The following CFAP61 variants were observed in gnomAD, a reference collection of about 807,000 sequenced individuals.
CFAP61 encodes cilia- and flagella-associated protein 61.
CFAP61 carries 107 observed loss-of-function variants against 135.6 expected under a neutral mutation model. The ratio of observed to expected loss-of-function variants is 0.79; its 90% CI spans 0.67 to 0.93. The LOEUF is 0.93. Among genes scored for constraint, CFAP61 ranks in the 40% least tolerant of loss-of-function variants. The pLI is 0.00. For missense variants in CFAP61, 1,507 were observed against 1,556.2 expected (o/e 0.97, Z 0.53); for synonymous variants, 575 against 578.5 (o/e 0.99, Z 0.09).
chr20:20,053,345 C>T (rs1310714690), intron 1 of CFAP61, among the ~76,000 whole-genome samples: 2 of 152,184 alleles, frequency 1.3e-5, no homozygotes, highest in African/African-American at 2.4e-5. Context: ...TGTACCTCTT[C>T]CCTCCTCTAA....
At chr20:20,299,757 C>T (rs2055930816) in intron 25 of CFAP61, among the ~76,000 whole-genome samples, 1 of 152,214 alleles carries the variant, frequency 6.6e-6, no homozygotes, top group South Asian at 2.1e-4. Context: ...GGTATTCCAT[C>T]ATATAATGGT....
chr20:20,126,455 A>G (rs2050071651), intron 8 of CFAP61, among the ~76,000 whole-genome samples: 1 of 151,830 alleles, frequency 6.6e-6, no homozygotes, highest in Non-Finnish European at 1.5e-5. Context: ...AAAAGACTGT[A>G]TCTTTCCTTC....
intron 25 of CFAP61, among the ~76,000 whole-genome samples, chr20:20,338,984 T>C (rs544970447): frequency 2.3e-4 from 35 of 152,240 alleles, no homozygotes; most frequent in Non-Finnish European, 4.9e-4. Flanking sequence ...TAAACCAGGC[T>C]GGCCATTGGC....
At chr20:20,188,841 A>G (rs974678560) in intron 14 of CFAP61, among the ~76,000 whole-genome samples, 13 of 152,224 alleles carry the variant, frequency 8.5e-5, no homozygotes, top group African/African-American at 3.1e-4. Context: ...ACTTAACCAC[A>G]GCCTGCTGGA....
At chr20:20,127,189 A>G (rs913970627) in intron 8 of CFAP61, among the ~76,000 whole-genome samples, 1 of 151,674 alleles carries the variant, frequency 6.6e-6, no homozygotes, top group Non-Finnish European at 1.5e-5. Flanking sequence ...TGATAAGCTT[A>G]ATAACTAACC....
Position 20,316,551 on chromosome 20 carries a change from C to T in CFAP61, c.3422+18165C>T, listed in dbSNP as rs2057148972. Among the ~76,000 whole-genome samples the T allele has an allele frequency of 3.3e-5, 5 of 150,932 alleles. No individual in the cohort carries two copies. In the South Asian group the frequency reaches 1.0e-3, roughly 32 times the overall value. On this transcript the variant is annotated intron_variant, in intron 25 of 26. Transcript: ENST00000245957. ...TTTATTTCCTTCCCCTGCCTAATTG[C>T]CCTGGCCAGAACTTCCAACACTATG...
intron 22 of CFAP61, among the ~76,000 whole-genome samples, chr20:20,283,879 C>T (rs1226304395): frequency 6.6e-6 from 1 of 152,194 alleles, no homozygotes; most frequent in Non-Finnish European, 1.5e-5. Flanking sequence ...TCAGAAAAAG[C>T]CTGGTCCCTT....
At chr20:20,242,428 G>A (rs2050082714) in intron 18 of CFAP61, among the ~76,000 whole-genome samples, 1 of 152,222 alleles carries the variant, frequency 6.6e-6, no homozygotes, top group Admixed American at 6.5e-5. Context: ...GAGCATGTGA[G>A]TTCTTCAGAA....
At chr20:20,188,478 A>G (rs901194839) in intron 14 of CFAP61, among the ~76,000 whole-genome samples, 5 of 152,156 alleles carry the variant, frequency 3.3e-5, no homozygotes, top group Non-Finnish European at 5.9e-5. Context: ...GTTTGAGCCT[A>G]TGAGATGATG....
chr20:20,339,874 A>G (rs2122362671), intron 25 of CFAP61, among the ~76,000 whole-genome samples: 1 of 152,350 alleles, frequency 6.6e-6, no homozygotes, highest in Non-Finnish European at 1.5e-5. Context: ...GATCAATTGT[A>G]AAATAGGTTT....
At chr20:20,069,845 G>T (rs763749319) in intron 2 of CFAP61, 1 of 429,612 alleles carries the variant, frequency 2.3e-6, no homozygotes, top group Non-Finnish European at 4.7e-6. Context: ...TCTCCTCTCC[G>T]CCTCTTCCTC....
At chr20:20,115,611 C>G (rs947774995) in intron 8 of CFAP61, among the ~76,000 whole-genome samples, 1 of 152,112 alleles carries the variant, frequency 6.6e-6, no homozygotes, top group Non-Finnish European at 1.5e-5. Context: ...TCTTCCTGGT[C>G]TCTGGTAACC....
intron 9 of CFAP61, among the ~76,000 whole-genome samples, chr20:20,148,049 C>G (rs1639525651): frequency 6.6e-6 from 1 of 152,002 alleles, no homozygotes; most frequent in Non-Finnish European, 1.5e-5. Flanking sequence ...TTGTCAAAGA[C>G]TAGTTGGCTG....
At chr20:20,115,651 AT>A (rs1170124202) in intron 8 of CFAP61, among the ~76,000 whole-genome samples, 1 of 152,066 alleles carries the variant, frequency 6.6e-6, no homozygotes, top group East Asian at 1.9e-4. Flanking sequence ...TCATAGATCC[AT>A]TTTTTTAGCT....
At chr20:20,052,831 T>A in intron 1 of CFAP61, 1 of 1,092,850 alleles carries the variant, frequency 9.2e-7, no homozygotes, top group Non-Finnish European at 1.3e-6. Context: ...GCTGCCGCCC[T>A]TTTAGGCTGC....
chr20:20,219,146 T>G (rs1375237696), intron 17 of CFAP61, among the ~76,000 whole-genome samples: 1 of 152,230 alleles, frequency 6.6e-6, no homozygotes, highest in African/African-American at 2.4e-5. Context: ...ATTGTTCCTG[T>G]ATTCCTTCAC....
At chr20:20,281,148 G>A (rs113493602) in intron 22 of CFAP61, among the ~76,000 whole-genome samples, 120 of 152,100 alleles carry the variant, frequency 7.9e-4, no homozygotes, top group African/African-American at 2.8e-3. Context: ...TCTCTTATTA[G>A]CTTTTGTAGT....
chr20:20,224,536 T>C (rs777755938), intron 17 of CFAP61, among the ~76,000 whole-genome samples: 1 of 152,182 alleles, frequency 6.6e-6, no homozygotes, highest in Non-Finnish European at 1.5e-5. Context: ...CACCATGCTG[T>C]ATGGTTTGTT....
chr20:20,192,995 AG>A (rs1396803845), intron 15 of CFAP61, among the ~76,000 whole-genome samples: 1 of 152,068 alleles, frequency 6.6e-6, no homozygotes, highest in Non-Finnish European at 1.5e-5. Flanking sequence ...CAAGGGGTGG[AG>A]GCAGACTTCT....
Sources: allele counts gnomAD v4.1 joint callset (sites outside exome capture counted in the v4.1 genomes callset), GRCh38; gene constraint gnomAD v4.1.1; transcripts MANE v1.5; gene names NCBI Gene and HGNC (gene_info 2026-07-23, HGNC 2026-07-21).